Variants in NPRL3 observed in about 807,000 individuals in gnomAD.
The protein encoded by NPRL3 is NPR3 like, GATOR1 complex subunit, also known as GATOR1 complex protein NPRL3.
In NPRL3, 23 loss-of-function variants were observed where a neutral mutation model predicts 57.2. That is an observed-to-expected ratio of 0.40 (90% confidence interval 0.29 to 0.57). The LOEUF is 0.57. NPRL3 is among the 20% of genes least tolerant of loss of function. The pLI is 0.42. For missense variants in NPRL3, 691 were observed against 767.1 expected (o/e 0.90, Z 1.17); for synonymous variants, 333 against 321.1 (o/e 1.04, Z -0.39).
Position 85,986 on chromosome 16 carries a change from C to T in NPRL3, c.*719G>A, listed in dbSNP as rs1051082629. ...TGGGGAGAATCATCAGTGTGGGAGC[C>T]GAAAGCCCCCGAGGGTGGGGTCCTG... is the stretch of plus-strand genomic sequence containing the variant. On this transcript the variant is annotated 3_prime_UTR_variant, in exon 14 of 14. Coordinates refer to ENST00000611875, the MANE Select transcript of NPRL3 (RefSeq NM_001077350.3). The T allele has an allele frequency of 4.1e-5, 22 of 538,726 alleles. No individual in the cohort carries two copies. The highest frequency in any genetic ancestry group is 6.8e-5 in the East Asian group (2 of 29,478). The allele number at this position is 538,726 out of a possible 1,614,324, so 33.4% of individuals were successfully genotyped here.
At position 85,636 on chromosome 16, in the gene NPRL3, T is replaced by C. The variant is rs1567126432; in HGVS notation, c.*1069A>G. The C allele has an allele frequency of 6.3e-7, 1 of 1,594,698 alleles. No homozygotes were observed. Among genetic ancestry groups the C allele is most frequent in the Admixed American group, 1.7e-5 (1 of 58,714 alleles). ...TGGAGCGTGGTCCCCTGGAGCCCAGTGAGCCGGCTGTAGTGGCAGCAGCCC... is the reference window on the plus strand; with the variant it reads ...TGGAGCGTGGTCCCCTGGAGCCCAGCGAGCCGGCTGTAGTGGCAGCAGCCC... On this transcript the variant is annotated 3_prime_UTR_variant, in exon 14 of 14. Coordinates refer to ENST00000611875, the MANE Select transcript of NPRL3 (RefSeq NM_001077350.3).
At chr16:118,980 C>A (rs567009936) in intron 4 of NPRL3, 146 bp downstream of exon 4, 3 of 1,229,444 alleles carry the variant, frequency 2.4e-6, no homozygotes, top group Non-Finnish European at 3.4e-6. Context: ...CCAGGGGGAG[C>A]CCCACCTGCC....
In NPRL3 at chr16:100,419, G is replaced by T; in HGVS notation, c.720C>A (p.Ser240=). ...CLPHKIHYAA[S]SLIPPEAIER... ...CGATGGCCTCTGGGGGGATCAGACT[G>T]GAGGCCGCATAGTGGATCTTGTGGG... Residue 240 remains serine, a synonymous_variant, in exon 8 of 14, where the codon TCC becomes TCA. Coordinates refer to ENST00000611875, the MANE Select transcript of NPRL3 (RefSeq NM_001077350.3). 2.5e-6 allele frequency: 4 copies of T among 1,604,696 alleles called. No individual in the cohort carries two copies. Among genetic ancestry groups the T allele is most frequent in the Non-Finnish European group, 3.4e-6 (4 of 1,176,470 alleles).
chr16:138,018 T>C, intron 2 of NPRL3, 132 bp downstream of exon 2: 1 of 657,246 alleles, frequency 1.5e-6, no homozygotes, highest in Non-Finnish European at 2.7e-6. Context: ...TTTCTACTTT[T>C]CAAATACTCT....
intron 5 of NPRL3, among the ~76,000 whole-genome samples, chr16:115,659 A>G (rs1466463007): frequency 6.6e-6 from 1 of 152,012 alleles, no homozygotes; most frequent in East Asian, 1.9e-4. Flanking sequence ...CTAATTTTGT[A>G]TTTTTTAGTA....
intron 3 of NPRL3, among the ~76,000 whole-genome samples, chr16:120,894 A>T (rs1270271590): frequency 6.6e-6 from 1 of 152,216 alleles, no homozygotes; most frequent in Non-Finnish European, 1.5e-5. Context: ...GGTTTGAGGT[A>T]TTAAAACGCC....
At chr16:92,822 G>C in intron 10 of NPRL3, 97 bp from the exon 11 acceptor site, 1 of 1,526,964 alleles carries the variant, frequency 6.5e-7, no homozygotes, top group Non-Finnish European at 8.9e-7. Flanking sequence ...AGTGTGGCAG[G>C]TGGGTCAGGA....
chr16:86,671 C>T lies in NPRL3; in HGVS notation c.*34G>A, dbSNP rs758354489. On this transcript the variant is annotated 3_prime_UTR_variant, in exon 14 of 14. Transcript: ENST00000611875. ...GTGGGGAGACGCGAGCGCCCACCTG[C>T]GCACCCCAGCAGCCTTCCGCCCTCC... is the stretch of plus-strand genomic sequence containing the variant. 28 of 1,527,056 alleles carry T rather than the reference C, an allele frequency of 1.8e-5. No homozygotes were observed. The highest frequency in any genetic ancestry group is 2.2e-5 in the Non-Finnish European group (25 of 1,133,882). The allele number at this position is 1,527,056 out of a possible 1,614,324, so 94.6% of individuals were successfully genotyped here.
intron 3 of NPRL3, among the ~76,000 whole-genome samples, chr16:129,978 A>G (rs1484820191): frequency 1.3e-5 from 2 of 152,186 alleles, no homozygotes; most frequent in African/African-American, 4.8e-5. Flanking sequence ...AGTGCCTCCC[A>G]GAGAGAGCAG....
At chr16:106,424 G>A (rs1363115533) in intron 7 of NPRL3, among the ~76,000 whole-genome samples, 1 of 152,034 alleles carries the variant, frequency 6.6e-6, no homozygotes, top group Non-Finnish European at 1.5e-5. Flanking sequence ...CTTGAGTCCA[G>A]GAATTCAAGA....
chr16:104,377 T>C (rs915692475), intron 7 of NPRL3, among the ~76,000 whole-genome samples: 2 of 152,074 alleles, frequency 1.3e-5, no homozygotes, highest in Admixed American at 1.3e-4. Flanking sequence ...GAGAGAGTTA[T>C]AGGGAAAGGA....
chr16:119,481 T>A, intron 3 of NPRL3: 1 of 562,488 alleles, frequency 1.8e-6, no homozygotes, highest in East Asian at 3.0e-5. Context: ...AAGCACAGAC[T>A]GAAGGCACAT....
chr16:85,991 G>GC lies in NPRL3; in HGVS notation c.*713dup, dbSNP rs1898451076. The GC allele has an allele frequency of 9.5e-6, 5 of 525,644 alleles. No individual in the cohort carries two copies. The South Asian group carries it at 2.5e-4, about 26-fold the overall frequency. 32.6% of individuals were successfully genotyped at this position (525,644 alleles called of 1,614,324 possible). ...AGAATCATCAGTGTGGGAGCCGAAA[G>GC]CCCCCGAGGGTGGGGTCCTGCACAG... On this transcript the variant is annotated 3_prime_UTR_variant, in exon 14 of 14. Coordinates refer to ENST00000611875, the MANE Select transcript of NPRL3 (RefSeq NM_001077350.3).
chr16:134,759 T>G (rs1418501464), intron 2 of NPRL3, among the ~76,000 whole-genome samples: 1 of 140,080 alleles, frequency 7.1e-6, no homozygotes, highest in Non-Finnish European at 1.5e-5. Flanking sequence ...TGGAGTGCAG[T>G]GGCGCGATCT....
chr16:108,508 G>C (rs768713373), intron 7 of NPRL3, among the ~76,000 whole-genome samples: 2 of 152,094 alleles, frequency 1.3e-5, no homozygotes, highest in Non-Finnish European at 2.9e-5. Flanking sequence ...TTATCTTATA[G>C]ATACAGAGGC....
chr16:136,150 T>A (rs1901064147), intron 2 of NPRL3, among the ~76,000 whole-genome samples: 1 of 152,202 alleles, frequency 6.6e-6, no homozygotes, highest in African/African-American at 2.4e-5. Context: ...AAAATGACAA[T>A]ACCTGGAAAG....
intron 3 of NPRL3, among the ~76,000 whole-genome samples, chr16:128,957 G>A (rs1327010462): frequency 1.3e-5 from 2 of 152,214 alleles, no homozygotes; most frequent in African/African-American, 4.8e-5. Flanking sequence ...TGGCACCAGT[G>A]AGATTTACAG....
chr16:104,033 G>A (rs1316660290), intron 7 of NPRL3, among the ~76,000 whole-genome samples: 1 of 151,922 alleles, frequency 6.6e-6, no homozygotes, highest in Non-Finnish European at 1.5e-5. Flanking sequence ...AAAATCACTT[G>A]AACCTGGGAG....
chr16:93,032 C>G (rs538793603), intron 10 of NPRL3, 187 bp downstream of exon 10: 1 of 625,438 alleles, frequency 1.6e-6, no homozygotes, highest in African/African-American at 1.8e-5. Flanking sequence ...CCACAGAGCA[C>G]AGAGCCAGAC....
Sources: allele counts gnomAD v4.1 joint callset (sites outside exome capture counted in the v4.1 genomes callset), GRCh38; gene constraint gnomAD v4.1.1; transcripts MANE v1.5; gene names NCBI Gene and HGNC (gene_info 2026-07-23, HGNC 2026-07-21).